Variants in ARHGAP15 observed in about 807,000 individuals in gnomAD.
ARHGAP15 encodes the protein Rho GTPase activating protein 15.
In ARHGAP15, 51 loss-of-function variants were observed where a neutral mutation model predicts 63.7. That is an observed-to-expected ratio of 0.80 (90% CI 0.64 to 1.01). The LOEUF is 1.01. ARHGAP15 is among the 50% of genes least tolerant of loss of function. ARHGAP15 has a pLI of 0.00. For missense variants in ARHGAP15, 560 were observed against 564.6 expected (o/e 0.99, Z 0.08); for synonymous variants, 191 against 193.8 (o/e 0.99, Z 0.12).
intron 11 of ARHGAP15, chr2:143,606,999 C>T (rs772397708): frequency 7.2e-5 from 11 of 152,172 alleles, no homozygotes; most frequent in Non-Finnish European, 1.3e-4. Flanking sequence ...ACTATATATG[C>T]AATTCGTATC....
chr2:143,759,737 C>G (rs1363971936), intron 13 of ARHGAP15, among the ~76,000 whole-genome samples: 3 of 152,106 alleles, frequency 2.0e-5, no homozygotes, highest in Admixed American at 6.6e-5. Flanking sequence ...CAGGACTCTG[C>G]TCAAATCTCC....
At chr2:143,239,159 A>T (rs141225017) in intron 5 of ARHGAP15, among the ~76,000 whole-genome samples, 46 of 152,076 alleles carry the variant, frequency 3.0e-4, no homozygotes, top group Admixed American at 7.9e-4. Context: ...AAACCTGCAC[A>T]TCCTGCACAT....
At chr2:143,570,455 A>G (rs1438593748) in intron 11 of ARHGAP15, among the ~76,000 whole-genome samples, 1 of 152,226 alleles carries the variant, frequency 6.6e-6, no homozygotes, top group African/African-American at 2.4e-5. Flanking sequence ...GGCAGAGTTC[A>G]TATCTTTTAA....
In ARHGAP15 at chr2:143,265,998, AATT is replaced by A. The variant is rs532432543; in HGVS notation, c.474+15402_474+15404del. Among the ~76,000 whole-genome samples the A allele has an allele frequency of 8.2e-4, 125 of 151,950 alleles. 1 individual carries two copies. Among genetic ancestry groups the A allele is most frequent in the Admixed American group, 2.3e-3 (35 of 15,236 alleles). ...GAAACTGATGAAAAACAGGGGGTAA[AATT>A]ATTCAGTTACATCAAACTCTAGGTG... is the stretch of plus-strand genomic sequence containing the variant. On this transcript the variant is annotated intron_variant, in intron 6 of 13. Transcript: ENST00000295095.
chr2:143,239,989 T>TAAAA (rs1369180991), intron 5 of ARHGAP15, among the ~76,000 whole-genome samples: 1 of 21,938 alleles, frequency 4.6e-5, no homozygotes, highest in Non-Finnish European at 7.5e-5. Context: ...AGACTCTGTC[T>TAAAA]CAAAAAAAAA....
intron 9 of ARHGAP15, among the ~76,000 whole-genome samples, chr2:143,517,542 T>C (rs1276383228): frequency 6.6e-6 from 1 of 152,234 alleles, no homozygotes; most frequent in Admixed American, 6.5e-5. Flanking sequence ...ATTGAACTTC[T>C]AGTATGTGCC....
intron 9 of ARHGAP15, among the ~76,000 whole-genome samples, chr2:143,495,839 G>T (rs1031055505): frequency 1.3e-5 from 2 of 152,128 alleles, no homozygotes; most frequent in Non-Finnish European, 2.9e-5. Context: ...GTAGAGACAT[G>T]CTCCAACTTT....
At chr2:143,347,125 A>G (rs1233569893) in intron 6 of ARHGAP15, among the ~76,000 whole-genome samples, 1 of 152,192 alleles carries the variant, frequency 6.6e-6, no homozygotes, top group Non-Finnish European at 1.5e-5. Flanking sequence ...TTCAGTGACC[A>G]GTAATCAATT....
chr2:143,223,008 G>A (rs576518451), intron 4 of ARHGAP15, among the ~76,000 whole-genome samples: 12 of 151,996 alleles, frequency 7.9e-5, no homozygotes, highest in Admixed American at 6.6e-4. Flanking sequence ...ACTGAGTCTC[G>A]CTCTGTCACC....
intron 12 of ARHGAP15, among the ~76,000 whole-genome samples, chr2:143,675,302 C>T (rs1271103650): frequency 6.6e-6 from 1 of 152,184 alleles, no homozygotes; most frequent in East Asian, 1.9e-4. Context: ...GTCTTAACTC[C>T]TCAAAGTCAT....
rs187297918 is a variant in ARHGAP15 at position 143,422,880 on chromosome 2, G to T, written c.475-12721G>T. 6.1e-4 allele frequency among the ~76,000 whole-genome samples: 93 copies of T among 152,216 alleles called. 1 individual carries two copies. The highest frequency in any genetic ancestry group is 1.2e-3 in the Non-Finnish European group (80 of 68,008). ...GGGAACCACAAGCCGGAAGCAAGAAGAGGATACAGCTACAGAAATGAGCTT... is the reference window on the plus strand; with the variant it reads ...GGGAACCACAAGCCGGAAGCAAGAATAGGATACAGCTACAGAAATGAGCTT... On this transcript the variant is annotated intron_variant, in intron 6 of 13. Coordinates refer to ENST00000295095, the MANE Select transcript of ARHGAP15 (RefSeq NM_018460.4).
At chr2:143,224,118 A>G (rs1022839911) in intron 4 of ARHGAP15, among the ~76,000 whole-genome samples, 1 of 152,238 alleles carries the variant, frequency 6.6e-6, no homozygotes, top group Non-Finnish European at 1.5e-5. Context: ...CATACCTGGA[A>G]CAGAGCAGAA....
chr2:143,622,178 C>T (rs1456952653), intron 11 of ARHGAP15, among the ~76,000 whole-genome samples: 1 of 152,144 alleles, frequency 6.6e-6, no homozygotes, highest in Admixed American at 6.5e-5. Context: ...AAAACATAAG[C>T]ACTCTGCATG....
intron 10 of ARHGAP15, among the ~76,000 whole-genome samples, chr2:143,522,528 A>G (rs1410661506): frequency 6.6e-6 from 1 of 152,156 alleles, no homozygotes; most frequent in Non-Finnish European, 1.5e-5. Context: ...TATCCTGGGT[A>G]CAATGACCAA....
intron 2 of ARHGAP15, among the ~76,000 whole-genome samples, chr2:143,183,073 G>A (rs55758769): frequency 0.053 from 8,090 of 152,242 alleles, 260 homozygotes; most frequent in Middle Eastern, 0.082. Context: ...CTAGCACTTC[G>A]GCCTAACTGG....
At chr2:143,255,190 G>A (rs1452519236) in intron 6 of ARHGAP15, among the ~76,000 whole-genome samples, 1 of 151,982 alleles carries the variant, frequency 6.6e-6, no homozygotes, top group Non-Finnish European at 1.5e-5. Context: ...TGGCTGATTA[G>A]GAATATGTCA....
In ARHGAP15 at chr2:143,269,856, C is replaced by A. The variant is rs777365869; in HGVS notation, c.474+19256C>A. Among the ~76,000 whole-genome samples, 46 of 152,082 alleles carry A rather than the reference C, an allele frequency of 3.0e-4. 1 individual carries two copies. The highest frequency in any genetic ancestry group is 1.6e-4 in the Non-Finnish European group (11 of 68,004). ...CCTATTAATTGATAAGTGTACACAT[C>A]CCATTACATGCAAGTATCAGTACCT... is the stretch of plus-strand genomic sequence containing the variant. On this transcript the variant is annotated intron_variant, in intron 6 of 13. Coordinates refer to ENST00000295095, the MANE Select transcript of ARHGAP15 (RefSeq NM_018460.4).
chr2:143,187,361 G>T (rs1355135339), intron 2 of ARHGAP15, among the ~76,000 whole-genome samples: 1 of 152,202 alleles, frequency 6.6e-6, no homozygotes, highest in Non-Finnish European at 1.5e-5. Context: ...GCATTAGGGA[G>T]TGAGTCTTCA....
chr2:143,628,249 C>T (rs148165321), intron 12 of ARHGAP15, among the ~76,000 whole-genome samples: 105 of 152,212 alleles, frequency 6.9e-4, no homozygotes, highest in African/African-American at 2.5e-3. Context: ...AGGTTGATTC[C>T]ATATCTTTGC....
Sources: gnomAD v4.1 joint callset for allele counts (sites outside exome capture counted in the v4.1 genomes callset) on GRCh38, gnomAD v4.1.1 for gene constraint, MANE v1.5 for transcripts, NCBI Gene and HGNC (gene_info 2026-07-23, HGNC 2026-07-21) for gene names.